ZNF684: variants seen among roughly 807,000 people sequenced by gnomAD.
ZNF684 encodes the protein zinc finger protein 684.
ZNF684 carries 13 observed loss-of-function variants against 12.8 expected under a neutral mutation model. The ratio of observed to expected loss-of-function variants is 1.02; its 90% CI spans 0.66 to 1.62. The LOEUF (loss-of-function observed/expected upper bound fraction) is 1.62, where lower values mean the gene tolerates loss of function less well. Among genes scored for constraint, ZNF684 ranks in the 40% most tolerant of loss-of-function variants. The pLI is 0.00. For missense variants in ZNF684, 384 were observed against 446.9 expected, an observed-to-expected ratio of 0.86 and a Z score of 1.27; for synonymous variants, 118 against 151.8, an observed-to-expected ratio of 0.78 and a Z score of 1.64.
chr1:40,533,526 C>G (rs996217563), intron 2 of ZNF684, among the ~76,000 whole-genome samples: 2 of 152,192 alleles, frequency 1.3e-5, no homozygotes, highest in Non-Finnish European at 2.9e-5. Context: ...TGAGTTTTCA[C>G]ATAGATAACA....
intron 1 of ZNF684, among the ~76,000 whole-genome samples, chr1:40,532,253 A>G (rs1645962011): frequency 6.6e-6 from 1 of 152,220 alleles, no homozygotes; most frequent in Non-Finnish European, 1.5e-5. Flanking sequence ...ACCATTTTGC[A>G]TATGAGTTAA....
rs974551526 is a variant in ZNF684 at position 40,540,827 on chromosome 1, A to G, written c.142+115A>G. The G allele has an allele frequency of 6.6e-6, 7 of 1,067,814 alleles. No homozygotes were observed. In the African/African-American group the frequency reaches 1.1e-4, roughly 18 times the overall value. 66.1% of individuals were successfully genotyped at this position (1,067,814 alleles called of 1,614,324 possible). The stretch of plus-strand genomic sequence containing the variant: ...GGTCGCTCATGCTTATAATCCCAGC[A>G]CTTTGGGAGGCAGGAGAATTGCTTG... On this transcript the variant is annotated intron_variant, in intron 3 of 4. Transcript: ENST00000372699.
intron 2 of ZNF684, among the ~76,000 whole-genome samples, chr1:40,537,168 AG>A (rs1645990176): frequency 6.6e-6 from 1 of 152,192 alleles, no homozygotes; most frequent in South Asian, 2.1e-4. Flanking sequence ...CATCCTCTCC[AG>A]CACCTGTTGT....
chr1:40,533,281 A>G, intron 2 of ZNF684, 100 bp downstream of exon 2: 1 of 1,226,692 alleles, frequency 8.2e-7, no homozygotes, highest in Non-Finnish European at 1.2e-6. Context: ...CAAATAAAAG[A>G]TCAAGTCTAA....
In ZNF684 at chr1:40,532,363, T is replaced by TA. The variant is rs201686650; in HGVS notation, c.-25+576_-25+577insA. 1.0e-3 allele frequency among the ~76,000 whole-genome samples: 158 copies of TA among 151,926 alleles called. No homozygotes were observed. In the East Asian group the frequency reaches 0.023, roughly 22 times the overall value. On this transcript the variant is annotated intron_variant, in intron 1 of 4. Transcript: ENST00000372699. ...GATACATTTTCTCCAAATTTCTTTT[T>TA]TTTTTTTTTTACAGTATAGCATTCC...
intron 2 of ZNF684, among the ~76,000 whole-genome samples, chr1:40,537,117 T>G (rs1311239416): frequency 6.6e-6 from 1 of 152,212 alleles, no homozygotes; most frequent in Non-Finnish European, 1.5e-5. Flanking sequence ...TGAACTAGTT[T>G]ACAGTCCCAC....
chr1:40,533,046 T>C, intron 1 of ZNF684, 97 bp from the exon 2 acceptor site: 1 of 942,966 alleles, frequency 1.1e-6, no homozygotes, highest in East Asian at 2.5e-5. Flanking sequence ...GAGGCTGCAG[T>C]GTGGGTACTT....
At chr1:40,533,091 A>G in intron 1 of ZNF684, 52 bp from the exon 2 acceptor site, 1 of 1,494,672 alleles carries the variant, frequency 6.7e-7, no homozygotes, top group South Asian at 1.1e-5. Context: ...CTTTGCATGC[A>G]GTCCTGGTAT....
intron 4 of ZNF684, among the ~76,000 whole-genome samples, chr1:40,544,114 C>T (rs1646031263): frequency 6.6e-6 from 1 of 151,020 alleles, no homozygotes; most frequent in African/African-American, 2.4e-5. Flanking sequence ...GGGGATGTTT[C>T]TTTTTTTATT....
In ZNF684 at chr1:40,547,051, A is replaced by G. The variant is rs1646052993; in HGVS notation, c.728A>G (p.Tyr243Cys). The G allele has an allele frequency of 3.1e-6, 5 of 1,614,118 alleles. No individual in the cohort carries two copies. Among genetic ancestry groups the G allele is most frequent in the African/African-American group, 1.3e-5 (1 of 74,946 alleles). The change falls in exon 5 of 5, where the codon TAT becomes TGT. Residue 243 changes from tyrosine (Y) to cysteine (C), a missense_variant. Tyr to Cys is a radical substitution (Grantham distance 194). Coordinates refer to ENST00000372699, the MANE Select transcript of ZNF684 (RefSeq NM_152373.4). ...AGACTTCACACTGGAGAGAAGCCTT[A>G]TGAGTGCAGTCAATGTGGGAAAACA... ...HQRLHTGEKP[Y>C]ECSQCGKTFT...
intron 2 of ZNF684, among the ~76,000 whole-genome samples, chr1:40,534,299 G>A (rs978175321): frequency 1.4e-5 from 2 of 142,760 alleles, no homozygotes; most frequent in African/African-American, 5.2e-5. Context: ...GGAGTGCAGT[G>A]GCACAATCTT....
intron 1 of ZNF684, among the ~76,000 whole-genome samples, chr1:40,532,542 C>T (rs1275871889): frequency 1.3e-5 from 2 of 151,810 alleles, no homozygotes; most frequent in African/African-American, 4.8e-5. Flanking sequence ...CCCGGTTTGC[C>T]CATTATACCC....
rs1332401825 is a variant in ZNF684, at chr1:40,531,702, G to C, written c.-110G>C. On this transcript the variant is annotated 5_prime_UTR_variant, in exon 1 of 5. Transcript: ENST00000372699. Reference sequence around the variant, plus strand: ...TCAGCGCCGCGGGAAGTGCGGGCGGGTGTTGCTCCCCTGTCTCTGGACGAC... The same window carrying C: ...TCAGCGCCGCGGGAAGTGCGGGCGGCTGTTGCTCCCCTGTCTCTGGACGAC... 1 of 152,326 alleles carries C rather than the reference G, an allele frequency of 6.6e-6. No homozygotes were observed. Among genetic ancestry groups the C allele is most frequent in the East Asian group, 1.9e-4 (1 of 5,204 alleles). The allele number at this position is 152,326 out of a possible 1,614,324, so 9.4% of individuals were successfully genotyped here.
rs1011370203 is a variant in ZNF684, at chr1:40,547,305, A to C, written c.982A>C (p.Ser328Arg). The change falls in exon 5 of 5, where the codon AGT (serine) becomes CGT (arginine). Residue 328 changes from serine (S) to arginine (R), a missense_variant. Physicochemically the swap from Ser to Arg is moderately radical, Grantham distance 110. Coordinates refer to ENST00000372699, the MANE Select transcript of ZNF684 (RefSeq NM_152373.4). Reference protein sequence around the residue: ...QRIHTGEKPYSCIECGKAFIK... With the variant: ...QRIHTGEKPYRCIECGKAFIK... The stretch of plus-strand genomic sequence containing the variant: ...AATTCATACAGGAGAGAAACCTTAC[A>C]GTTGTATTGAATGTGGCAAAGCCTT... The C allele has an allele frequency of 1.2e-6, 2 of 1,614,054 alleles. No homozygotes were observed. Among genetic ancestry groups the C allele is most frequent in the Non-Finnish European group, 1.7e-6 (2 of 1,180,042 alleles).
At chr1:40,539,592 G>C (rs973475960) in intron 2 of ZNF684, among the ~76,000 whole-genome samples, 5 of 151,986 alleles carry the variant, frequency 3.3e-5, no homozygotes, top group Non-Finnish European at 7.4e-5. Context: ...CAAGAGTTTC[G>C]GTTTCTCCAC....
At position 40,547,350 on chromosome 1, in the gene ZNF684, C is replaced by T; in HGVS notation, c.1027C>T (p.Leu343Phe). Reference sequence around the variant, plus strand: ...AGCCTTCATCAAGAAGTCCCATCTCCTCAGACATCAGATAACTCATACAGG... The same window carrying T: ...AGCCTTCATCAAGAAGTCCCATCTCTTCAGACATCAGATAACTCATACAGG... Reference protein sequence around the residue: ...GKAFIKKSHLLRHQITHTGEK... With the variant: ...GKAFIKKSHLFRHQITHTGEK... The change falls in exon 5 of 5, where the codon CTC becomes TTC. Residue 343 changes from leucine (L) to phenylalanine (F), a missense_variant. Coordinates refer to ENST00000372699, the MANE Select transcript of ZNF684 (RefSeq NM_152373.4). 1 of 1,613,992 alleles carries T rather than the reference C, an allele frequency of 6.2e-7. No individual in the cohort carries two copies. Among genetic ancestry groups the T allele is most frequent in the Non-Finnish European group, 8.5e-7 (1 of 1,179,940 alleles).
chr1:40,540,592 G>C lies in ZNF684; in HGVS notation c.22G>C (p.Val8Leu). The C allele has an allele frequency of 6.3e-7, 1 of 1,598,446 alleles. No individual in the cohort carries two copies. The highest frequency in any genetic ancestry group is 8.5e-7 in the Non-Finnish European group (1 of 1,173,072). The change falls in exon 3 of 5, where the codon GTG becomes CTG. Residue 8 changes from valine to leucine, a missense_variant. By Grantham distance (32) the Val-to-Leu change is conservative (BLOSUM62 1). Transcript: ENST00000372699. MISFQES[V>L]TFQDVAVDFT... ...GATAAATGTGCTGTTACAGGAATCA[G>C]TGACATTCCAGGATGTGGCTGTGGA...
Position 40,540,644 on chromosome 1 carries a change from T to G in ZNF684, c.74T>G (p.Leu25Arg). Reference sequence around the variant, plus strand: ...TTCACTGCAGAGGAGTGGCAGCTGCTTGATTGTGCTGAGAGAACCCTGTAT... The same window carrying G: ...TTCACTGCAGAGGAGTGGCAGCTGCGTGATTGTGCTGAGAGAACCCTGTAT... ...VDFTAEEWQL[L>R]DCAERTLYWD... is the part of the protein sequence containing the mutation. The change falls in exon 3 of 5, where the codon CTT (leucine) becomes CGT (arginine). Residue 25 changes from leucine (L) to arginine (R), a missense_variant. Physicochemically the swap from Leu to Arg is moderately radical, Grantham distance 102. Transcript: ENST00000372699. The G allele has an allele frequency of 6.2e-7, 1 of 1,613,046 alleles. No homozygotes were observed. Among genetic ancestry groups the G allele is most frequent in the Non-Finnish European group, 8.5e-7 (1 of 1,179,494 alleles).
At chr1:40,539,051 A>G (rs1325635558) in intron 2 of ZNF684, among the ~76,000 whole-genome samples, 1 of 151,590 alleles carries the variant, frequency 6.6e-6, no homozygotes, top group African/African-American at 2.4e-5. Flanking sequence ...TTTTTTTGAG[A>G]CAGAGTCTTA....
Sources: allele counts gnomAD v4.1 joint callset (sites outside exome capture counted in the v4.1 genomes callset), GRCh38; gene constraint gnomAD v4.1.1; transcripts MANE v1.5; gene names NCBI Gene and HGNC (gene_info 2026-07-23, HGNC 2026-07-21).